The following KIRREL3 variants were observed in gnomAD, a reference collection of about 807,000 sequenced individuals.
The protein encoded by KIRREL3 is kin of IRRE-like protein 3.
A neutral mutation model predicts 89.7 loss-of-function variants in KIRREL3; 36 were observed. The ratio of observed to expected loss-of-function variants is 0.40; its 90% confidence interval spans 0.31 to 0.53. KIRREL3 has a LOEUF of 0.53. Ranked by LOEUF, KIRREL3 falls within the 20% of genes least tolerant of loss-of-function variation. The probability of loss-of-function intolerance (pLI) is 0.49; values close to 1 mark genes in which losing one functional copy is unlikely to be tolerated. For missense variants in KIRREL3, 864 were observed against 1,056.6 expected (o/e 0.82, Z 2.53); for synonymous variants, 445 against 441.4 (o/e 1.01, Z -0.10).
intron 1 of KIRREL3, among the ~76,000 whole-genome samples, chr11:126,841,202 G>A (rs1237223844): frequency 2.6e-5 from 4 of 152,164 alleles, no homozygotes; most frequent in African/African-American, 9.7e-5. Flanking sequence ...GGGGTCTACT[G>A]TCCTCTTGCA....
chr11:126,473,017 C>CCCCG (rs1956951727), intron 5 of KIRREL3, among the ~76,000 whole-genome samples: 2 of 108,830 alleles, frequency 1.8e-5, no homozygotes, highest in Non-Finnish European at 1.9e-5. Context: ...CAACCAGCCC[C>CCCCG]CCACTATCCT....
chr11:126,442,316 AC>A (rs1955605414), intron 10 of KIRREL3, among the ~76,000 whole-genome samples: 2 of 1,572 alleles, frequency 1.3e-3, no homozygotes, highest in Non-Finnish European at 6.4e-3. Flanking sequence ...CACACAAAAC[AC>A]ACACACACAC....
At chr11:126,713,550 G>A (rs7932002) in intron 1 of KIRREL3, among the ~76,000 whole-genome samples, 1,792 of 152,298 alleles carry the variant, frequency 0.012, 22 homozygotes, top group African/African-American at 0.041. Context: ...ACAGGGCTGC[G>A]CTGCCTGAGG....
In KIRREL3 at chr11:126,623,918, T is replaced by TTGAGAAAG. The variant is rs763019972; in HGVS notation, c.56-61014_56-61007dup. 9.8e-5 allele frequency among the ~76,000 whole-genome samples: 15 copies of TTGAGAAAG among 152,290 alleles called. No homozygotes were observed. Among genetic ancestry groups the TTGAGAAAG allele is most frequent in the South Asian group, 4.1e-4 (2 of 4,820 alleles). On this transcript the variant is annotated intron_variant, in intron 1 of 16. Coordinates refer to ENST00000525144, the MANE Select transcript of KIRREL3 (RefSeq NM_032531.4). This position sits in a 1 kb window ranked among gnomAD's most constrained non-coding sequence, Gnocchi z 4.1. ...GCTGGCAGGTACCTCTTTTTATTCA[T>TTGAGAAAG]TGAGAAAGTAACGGTGAGCAGTTTT...
rs1040359719 is a variant in KIRREL3 at position 126,983,486 on chromosome 11, T to C, written c.55+16969A>G. 3.3e-5 allele frequency among the ~76,000 whole-genome samples: 5 copies of C among 152,204 alleles called. No homozygotes were observed. The East Asian group carries it at 9.6e-4, about 29-fold the overall frequency. ...AGTTAAGGTCTTGAGAGAGAGAGATTTTCCTAAATTACCCTCTGTGGTCTG... is the reference window on the plus strand; with the variant it reads ...AGTTAAGGTCTTGAGAGAGAGAGATCTTCCTAAATTACCCTCTGTGGTCTG... On this transcript the variant is annotated intron_variant, in intron 1 of 16. Coordinates refer to ENST00000525144, the MANE Select transcript of KIRREL3 (RefSeq NM_032531.4). The surrounding 1 kb of genome is among the most constrained non-coding windows in gnomAD (Gnocchi z 4.9).
At chr11:126,499,570 G>A (rs1332554276) in intron 4 of KIRREL3, among the ~76,000 whole-genome samples, 1 of 152,222 alleles carries the variant, frequency 6.6e-6, no homozygotes, top group Admixed American at 6.5e-5. Context: ...GCCCCAACCT[G>A]TTGACTGGGC....
At chr11:126,784,263 A>G (rs1950414995) in intron 1 of KIRREL3, among the ~76,000 whole-genome samples, 1 of 152,270 alleles carries the variant, frequency 6.6e-6, no homozygotes, top group Admixed American at 6.5e-5. Context: ...TTCATTAATT[A>G]TAACAAATGT....
rs542721646 is a variant in KIRREL3 at position 126,710,349 on chromosome 11, A to T, written c.56-147437T>A. On this transcript the variant is annotated intron_variant, in intron 1 of 16. Transcript: ENST00000525144. The surrounding 1 kb of genome is among the most constrained non-coding windows in gnomAD (Gnocchi z 4.2). ...GATAGCTAGCTCAGTGTGGCACCCC[A>T]TTCTTCCCATTGAGCCCTCTCCTCT... Among the ~76,000 whole-genome samples, 1 of 152,206 alleles carries T rather than the reference A, an allele frequency of 6.6e-6. No individual in the cohort carries two copies. The highest frequency in any genetic ancestry group is 1.9e-4 in the East Asian group (1 of 5,174).
At chr11:126,821,478 C>T (rs929329882) in intron 1 of KIRREL3, among the ~76,000 whole-genome samples, 1 of 151,310 alleles carries the variant, frequency 6.6e-6, no homozygotes, top group African/African-American at 2.4e-5. Flanking sequence ...GTGACCTGGG[C>T]AAAAATTATT....
chr11:126,479,085 AG>A (rs1380738677), intron 4 of KIRREL3, among the ~76,000 whole-genome samples: 3 of 152,172 alleles, frequency 2.0e-5, no homozygotes, highest in Non-Finnish European at 2.9e-5. Context: ...GACAGATCAG[AG>A]ACACTTGGCT....
chr11:126,812,248 C>T lies in KIRREL3; in HGVS notation c.55+188207G>A, dbSNP rs896833754. Among the ~76,000 whole-genome samples, 3 of 152,090 alleles carry T rather than the reference C, an allele frequency of 2.0e-5. No individual in the cohort carries two copies. The highest frequency in any genetic ancestry group is 7.2e-5 in the African/African-American group (3 of 41,394). ...GAACTTTGGGGTCCTTAGGATAGCG[C>T]TGTGTATATGGCAGGCACTCATTAC... On this transcript the variant is annotated intron_variant, in intron 1 of 16. Coordinates refer to ENST00000525144, the MANE Select transcript of KIRREL3 (RefSeq NM_032531.4). The surrounding 1 kb of genome is among the most constrained non-coding windows in gnomAD (Gnocchi z 5.2).
intron 1 of KIRREL3, among the ~76,000 whole-genome samples, chr11:126,827,976 T>A (rs890295348): frequency 6.6e-6 from 1 of 152,186 alleles, no homozygotes. Context: ...ATTTGTGACC[T>A]TGGGAGCAAT....
Position 126,647,604 on chromosome 11 carries a change from T to C in KIRREL3, c.56-84692A>G, listed in dbSNP as rs533206465. On this transcript the variant is annotated intron_variant, in intron 1 of 16. Transcript: ENST00000525144. This position sits in a 1 kb window ranked among gnomAD's most constrained non-coding sequence, Gnocchi z 4.9. The stretch of plus-strand genomic sequence containing the variant: ...ATCTGTCAGCAAATCCCTTTGGTTC[T>C]TCCTTCAAAGTAAATTTGGAATCTG... 6.6e-6 allele frequency among the ~76,000 whole-genome samples: 1 copy of C among 152,350 alleles called. No individual in the cohort carries two copies. The highest frequency in any genetic ancestry group is 2.4e-5 in the African/African-American group (1 of 41,590).
chr11:126,729,645 T>C lies in KIRREL3; in HGVS notation c.56-166733A>G, dbSNP rs1218577142. ...CACGGAAGCAGTGCTGGCCAGGAGC[T>C]CACAGGTGGGTGTGAACCTGGGGAC... is the stretch of plus-strand genomic sequence containing the variant. On this transcript the variant is annotated intron_variant, in intron 1 of 16. Coordinates refer to ENST00000525144, the MANE Select transcript of KIRREL3 (RefSeq NM_032531.4). This position sits in a 1 kb window ranked among gnomAD's most constrained non-coding sequence, Gnocchi z 4.5. Among the ~76,000 whole-genome samples the C allele has an allele frequency of 6.6e-6, 1 of 152,126 alleles. No individual in the cohort carries two copies. Among genetic ancestry groups the C allele is most frequent in the Non-Finnish European group, 1.5e-5 (1 of 68,026 alleles).
Position 126,684,970 on chromosome 11 carries a change from C to T in KIRREL3, c.56-122058G>A, listed in dbSNP as rs1335688872. Reference sequence around the variant, plus strand: ...TGTCCTCTTCTCTCTTCCTCTCTCCCTCATTTCTGGCTTCCCTCTTTTTCT... The same window carrying T: ...TGTCCTCTTCTCTCTTCCTCTCTCCTTCATTTCTGGCTTCCCTCTTTTTCT... On this transcript the variant is annotated intron_variant, in intron 1 of 16. Transcript: ENST00000525144. This position sits in a 1 kb window ranked among gnomAD's most constrained non-coding sequence, Gnocchi z 4.2. 2.0e-5 allele frequency among the ~76,000 whole-genome samples: 3 copies of T among 152,148 alleles called. No individual in the cohort carries two copies. The highest frequency in any genetic ancestry group is 7.2e-5 in the African/African-American group (3 of 41,436).
rs1025382232 is a variant in KIRREL3, at chr11:126,647,262, G to A, written c.56-84350C>T. ...CAAGCCCCAGTGCTTGTCTGCTGGGGTTTCTAGCTGGAAATCAGAATAAGC... is the reference window on the plus strand; with the variant it reads ...CAAGCCCCAGTGCTTGTCTGCTGGGATTTCTAGCTGGAAATCAGAATAAGC... On this transcript the variant is annotated intron_variant, in intron 1 of 16. Transcript: ENST00000525144. This position sits in a 1 kb window ranked among gnomAD's most constrained non-coding sequence, Gnocchi z 4.9. 2.6e-5 allele frequency among the ~76,000 whole-genome samples: 4 copies of A among 152,166 alleles called. No homozygotes were observed. Among genetic ancestry groups the A allele is most frequent in the Admixed American group, 2.6e-4 (4 of 15,282 alleles).
rs557775204 is a variant in KIRREL3, at chr11:126,844,570, C to T, written c.55+155885G>A. On this transcript the variant is annotated intron_variant, in intron 1 of 16. Transcript: ENST00000525144. This position sits in a 1 kb window ranked among gnomAD's most constrained non-coding sequence, Gnocchi z 4.8. ...CTAAGACAGAAACCATTAAAGGCTCCTCTCCATAAAAGGCAAGGACACTTG... is the reference window on the plus strand; with the variant it reads ...CTAAGACAGAAACCATTAAAGGCTCTTCTCCATAAAAGGCAAGGACACTTG... 6.6e-6 allele frequency among the ~76,000 whole-genome samples: 1 copy of T among 152,176 alleles called. No individual in the cohort carries two copies. The highest frequency in any genetic ancestry group is 2.4e-5 in the African/African-American group (1 of 41,518).
chr11:126,545,674 A>G (rs1280150365), intron 2 of KIRREL3, among the ~76,000 whole-genome samples: 1 of 151,870 alleles, frequency 6.6e-6, no homozygotes, highest in Non-Finnish European at 1.5e-5. Context: ...TGACTGCATT[A>G]TGGAGAACAG....
At chr11:126,899,010 G>GGA (rs976122115) in intron 1 of KIRREL3, among the ~76,000 whole-genome samples, 1 of 24,316 alleles carries the variant, frequency 4.1e-5, no homozygotes, top group African/African-American at 7.6e-4. Flanking sequence ...AGGGGAGTTT[G>GGA]GGGGGGGTCT....
Sources: allele counts gnomAD v4.1 joint callset (sites outside exome capture counted in the v4.1 genomes callset), GRCh38; gene constraint gnomAD v4.1.1; non-coding constraint Gnocchi (gnomAD v3.1); transcripts MANE v1.5; gene names NCBI Gene and HGNC (gene_info 2026-07-23, HGNC 2026-07-21).